Variants in DCLRE1C observed in about 807,000 individuals in gnomAD.
DCLRE1C encodes the protein protein artemis.
Under a neutral mutation model 61.4 loss-of-function variants are expected in DCLRE1C, and 47 were observed. That is an observed-to-expected ratio of 0.77 (90% confidence interval 0.61 to 0.98). DCLRE1C has a LOEUF of 0.98. Ranked by LOEUF, DCLRE1C falls within the 50% of genes least tolerant of loss-of-function variation. DCLRE1C has a pLI of 0.00. For missense variants in DCLRE1C, 858 were observed against 816.0 expected (o/e 1.05, Z -0.63); for synonymous variants, 337 against 287.6 (o/e 1.17, Z -1.74).
intron 12 of DCLRE1C, among the ~76,000 whole-genome samples, chr10:14,920,752 C>A (rs2130756712): frequency 6.6e-6 from 1 of 151,514 alleles, no homozygotes; most frequent in African/African-American, 2.4e-5. Context: ...GAGGCCAAGG[C>A]AGGTGGATCA....
At chr10:14,932,593 A>G (rs1313900191) in intron 9 of DCLRE1C, among the ~76,000 whole-genome samples, 2 of 151,920 alleles carry the variant, frequency 1.3e-5, no homozygotes, top group Admixed American at 6.6e-5. Context: ...CCTAGATCGC[A>G]CCACTGCACT....
chr10:14,931,765 G>A (rs376391347), intron 9 of DCLRE1C, among the ~76,000 whole-genome samples: 1 of 152,114 alleles, frequency 6.6e-6, no homozygotes, highest in African/African-American at 2.4e-5. Context: ...CAGGATGGGC[G>A]CAGTGGCTCA....
downstream of DCLRE1C, among the ~76,000 whole-genome samples, chr10:14,901,637 C>A (rs1834025210): frequency 6.6e-6 from 1 of 151,574 alleles, no homozygotes; most frequent in Non-Finnish European, 1.5e-5. Context: ...TCAAGACCAG[C>A]CTGGGCAACA....
intron 3 of DCLRE1C, among the ~76,000 whole-genome samples, chr10:14,940,286 T>A (rs1012181294): frequency 1.2e-5 from 1 of 82,378 alleles, no homozygotes. Flanking sequence ...TACACGGTTC[T>A]TTTATTTTTT....
In DCLRE1C at chr10:14,922,785, C is replaced by T. The variant is rs41299664; in HGVS notation, c.1061+196G>A. Reference sequence around the variant, plus strand: ...TGGGTTGCAACCCAGGAGAAGCTGACAACACTACCTATACCTTCTGCCACA... The same window carrying T: ...TGGGTTGCAACCCAGGAGAAGCTGATAACACTACCTATACCTTCTGCCACA... On this transcript the variant is annotated intron_variant, in intron 12 of 13. Transcript: ENST00000378278. Among the ~76,000 whole-genome samples, 414 of 152,248 alleles carry T rather than the reference C, an allele frequency of 2.7e-3. 1 individual carries two copies. The highest frequency in any genetic ancestry group is 9.5e-3 in the African/African-American group (393 of 41,532).
intron 9 of DCLRE1C, 40 bp downstream of exon 9, chr10:14,932,814 A>T: frequency 6.2e-7 from 1 of 1,608,898 alleles, no homozygotes; most frequent in Non-Finnish European, 8.5e-7. Flanking sequence ...TTTTTCATAG[A>T]TTACACAAAC....
At position 14,908,073 on chromosome 10, in the gene DCLRE1C, T is replaced by G. The variant is rs1276306774; in HGVS notation, c.*335A>C. 4 of 250,952 alleles carry G rather than the reference T, an allele frequency of 1.6e-5. No homozygotes were observed. The highest frequency in any genetic ancestry group is 9.4e-5 in the African/African-American group (4 of 42,400). 15.5% of individuals were successfully genotyped at this position (250,952 alleles called of 1,614,324 possible). On this transcript the variant is annotated 3_prime_UTR_variant, in exon 14 of 14. Coordinates refer to ENST00000378278, the MANE Select transcript of DCLRE1C (RefSeq NM_001033855.3). Reference sequence around the variant, plus strand: ...CTTGCTCTGTCACCCAGACTAGAGGTGCAGTGGCACAGTCATGGCTCACTG... The same window carrying G: ...CTTGCTCTGTCACCCAGACTAGAGGGGCAGTGGCACAGTCATGGCTCACTG...
downstream of DCLRE1C, chr10:14,901,161 T>C: frequency 6.2e-7 from 1 of 1,613,986 alleles, no homozygotes; most frequent in Non-Finnish European, 8.5e-7. Flanking sequence ...GTGTTCAATG[T>C]TTTCATTGAT....
At chr10:14,910,457 C>G (rs1041449264) in intron 13 of DCLRE1C, among the ~76,000 whole-genome samples, 9 of 152,122 alleles carry the variant, frequency 5.9e-5, no homozygotes, top group Admixed American at 3.3e-4. Flanking sequence ...GAGATCCACC[C>G]CCATGCCCAG....
At chr10:14,949,469 A>C (rs752421860) in intron 1 of DCLRE1C, among the ~76,000 whole-genome samples, 1 of 152,220 alleles carries the variant, frequency 6.6e-6, no homozygotes, top group African/African-American at 2.4e-5. Flanking sequence ...CACTTAAATC[A>C]GTCTATCTAG....
intron 4 of DCLRE1C, among the ~76,000 whole-genome samples, chr10:14,937,951 AC>A (rs1249873171): frequency 6.6e-6 from 1 of 150,966 alleles, no homozygotes; most frequent in East Asian, 1.9e-4. Context: ...GTCCCGATTC[AC>A]ACTGCACATC....
At chr10:14,902,089 G>A (rs977919478), downstream of DCLRE1C, among the ~76,000 whole-genome samples, 1 of 152,056 alleles carries the variant, frequency 6.6e-6, no homozygotes, top group Non-Finnish European at 1.5e-5. Flanking sequence ...ATGTGTATTA[G>A]ATATTCCCAG....
chr10:14,917,492 A>C (rs564896061), intron 13 of DCLRE1C, among the ~76,000 whole-genome samples: 1 of 151,998 alleles, frequency 6.6e-6, no homozygotes, highest in Admixed American at 6.6e-5. Context: ...TATTTAAAAA[A>C]AAAAAACAAA....
intron 4 of DCLRE1C, 38 bp downstream of exon 4, chr10:14,939,772 C>T (rs780154975): frequency 4.6e-6 from 7 of 1,518,850 alleles, no homozygotes; most frequent in African/African-American, 2.8e-5. Context: ...TTTAGCACCA[C>T]ATTTTTTTAA....
At chr10:14,936,985 C>G (rs1840038870) in intron 4 of DCLRE1C, among the ~76,000 whole-genome samples, 1 of 152,104 alleles carries the variant, frequency 6.6e-6, no homozygotes, top group African/African-American at 2.4e-5. Flanking sequence ...ATAAAAAGAA[C>G]CGACACGTGC....
chr10:14,927,989 A>C (rs1477042837), intron 10 of DCLRE1C, 27 bp downstream of exon 10: 1 of 1,612,420 alleles, frequency 6.2e-7, no homozygotes, highest in East Asian at 2.2e-5. Flanking sequence ...AGTTTCTCTC[A>C]GAAGACCTAT....
downstream of DCLRE1C, among the ~76,000 whole-genome samples, chr10:14,901,799 C>T (rs1216543538): frequency 1.3e-5 from 2 of 151,762 alleles, no homozygotes; most frequent in Non-Finnish European, 2.9e-5. Context: ...CACCACTGCA[C>T]TCCAGCCTGG....
exon 14 of DCLRE1C, chr10:14,897,633 A>G: frequency 1.1e-6 from 1 of 916,654 alleles, no homozygotes; most frequent in Non-Finnish European, 1.5e-6. Flanking sequence ...TCATTTGCAG[A>G]TATGTAGAAA....
chr10:14,927,772 G>C (rs1345311038), intron 10 of DCLRE1C, among the ~76,000 whole-genome samples: 1 of 152,202 alleles, frequency 6.6e-6, no homozygotes, highest in Non-Finnish European at 1.5e-5. Flanking sequence ...CAAGCACTCA[G>C]ATGCCTTCAG....
Sources: gnomAD v4.1 joint callset for allele counts (sites outside exome capture counted in the v4.1 genomes callset) on GRCh38, gnomAD v4.1.1 for gene constraint, MANE v1.5 for transcripts, NCBI Gene and HGNC (gene_info 2026-07-23, HGNC 2026-07-21) for gene names.